ADAMTSL1: variants seen among roughly 807,000 people sequenced by gnomAD.
ADAMTSL1 encodes ADAMTS-like protein 1.
In ADAMTSL1, 126 loss-of-function variants were observed where a neutral mutation model predicts 201.8. That is an observed-to-expected ratio of 0.62 (90% CI 0.54 to 0.72). ADAMTSL1 has a LOEUF of 0.72. ADAMTSL1 is among the 30% of genes least tolerant of loss of function. The pLI, the probability that ADAMTSL1 is intolerant of heterozygous loss-of-function variation, is 0.00. For synonymous variants in ADAMTSL1, 1,121 were observed against 903.4 expected (o/e 1.24, Z -4.32); for missense variants, 2,679 against 2,277.8 (o/e 1.18, Z -3.59).
chr9:18,822,783 T>C (rs1824292882), intron 21 of ADAMTSL1, among the ~76,000 whole-genome samples: 1 of 152,180 alleles, frequency 6.6e-6, no homozygotes, highest in African/African-American at 2.4e-5. Context: ...ATAGCAAATG[T>C]TCAATGTTAT....
intron 1 of ADAMTSL1, among the ~76,000 whole-genome samples, chr9:18,050,647 T>A (rs1821891379): frequency 1.3e-5 from 2 of 150,958 alleles, no homozygotes; most frequent in Admixed American, 6.6e-5. Context: ...GTAAATCTAT[T>A]TAAGTGTTGA....
chr9:18,290,835 G>T (rs1833229273), intron 2 of ADAMTSL1, among the ~76,000 whole-genome samples: 1 of 149,136 alleles, frequency 6.7e-6, no homozygotes, highest in Non-Finnish European at 1.5e-5. Context: ...AGGCTGGAGT[G>T]CAGTGGCGCC....
intron 1 of ADAMTSL1, among the ~76,000 whole-genome samples, chr9:17,986,952 C>A (rs1818952743): frequency 6.6e-6 from 1 of 151,970 alleles, no homozygotes; most frequent in South Asian, 2.1e-4. Flanking sequence ...CTTCTTATAG[C>A]CATTTTAGTG....
At chr9:18,464,935 T>C (rs1273714806) in intron 2 of ADAMTSL1, among the ~76,000 whole-genome samples, 2 of 152,212 alleles carry the variant, frequency 1.3e-5, no homozygotes, top group Non-Finnish European at 2.9e-5. Flanking sequence ...AAAGAAAAGA[T>C]GGCATCTCAG....
At chr9:18,214,207 C>G (rs556177769) in intron 2 of ADAMTSL1, among the ~76,000 whole-genome samples, 1 of 152,170 alleles carries the variant, frequency 6.6e-6, no homozygotes, top group East Asian at 1.9e-4. Context: ...TCAATAAACC[C>G]AGAATTACAT....
chr9:18,612,392 A>T (rs1446237297), intron 4 of ADAMTSL1, among the ~76,000 whole-genome samples: 1 of 152,186 alleles, frequency 6.6e-6, no homozygotes, highest in Non-Finnish European at 1.5e-5. Context: ...ATCGCAATAT[A>T]TCCCTGTCAC....
intron 1 of ADAMTSL1, among the ~76,000 whole-genome samples, chr9:18,139,980 A>G (rs1363394813): frequency 6.6e-6 from 1 of 152,166 alleles, no homozygotes; most frequent in Non-Finnish European, 1.5e-5. Context: ...TATTCAAATA[A>G]GTCAAATAAA....
intron 20 of ADAMTSL1, among the ~76,000 whole-genome samples, chr9:18,800,271 G>GT (rs1822701314): frequency 6.7e-6 from 1 of 148,716 alleles, no homozygotes; most frequent in African/African-American, 2.5e-5. Context: ...CAGCTACTCA[G>GT]AAGGCTGAGG....
intron 2 of ADAMTSL1, among the ~76,000 whole-genome samples, chr9:18,448,069 A>G (rs1427978749): frequency 6.6e-6 from 1 of 152,182 alleles, no homozygotes; most frequent in Non-Finnish European, 1.5e-5. Context: ...GTATTTGCCC[A>G]GAAAACAAGA....
intron 15 of ADAMTSL1, among the ~76,000 whole-genome samples, chr9:18,727,532 T>C (rs531847): frequency 0.81 from 123,229 of 151,664 alleles, 50,439 homozygotes; most frequent in Admixed American, 0.88. Flanking sequence ...TCCTTAATGG[T>C]TGGGCCTGAC....
intron 1 of ADAMTSL1, among the ~76,000 whole-genome samples, chr9:18,113,825 T>C (rs1825132810): frequency 1.3e-5 from 2 of 152,266 alleles, no homozygotes; most frequent in East Asian, 1.9e-4. Context: ...ATTAACTCAG[T>C]ATTTAACTAA....
chr9:18,568,726 AT>A (rs57985853), intron 3 of ADAMTSL1, among the ~76,000 whole-genome samples: 13,761 of 143,718 alleles, frequency 0.096, 775 homozygotes, highest in African/African-American at 0.17. Flanking sequence ...AGAAGCATGG[AT>A]TTTTTTTTTT....
At chr9:18,856,149 C>G (rs1285656335) in intron 23 of ADAMTSL1, among the ~76,000 whole-genome samples, 1 of 152,092 alleles carries the variant, frequency 6.6e-6, no homozygotes, top group African/African-American at 2.4e-5. Flanking sequence ...AGAGCTTCTG[C>G]TAAGCACACT....
intron 2 of ADAMTSL1, among the ~76,000 whole-genome samples, chr9:18,178,262 G>A (rs1376021469): frequency 6.6e-6 from 1 of 152,198 alleles, no homozygotes; most frequent in Non-Finnish European, 1.5e-5. Flanking sequence ...AGAAAGGGGT[G>A]ACAGACGGCA....
intron 23 of ADAMTSL1, among the ~76,000 whole-genome samples, chr9:18,876,135 A>G (rs7041997): frequency 6.6e-6 from 1 of 151,972 alleles, no homozygotes; most frequent in Non-Finnish European, 1.5e-5. Context: ...GTGAGTCCTT[A>G]TGTGTTAGGT....
At chr9:18,264,260 G>A (rs1832036400) in intron 2 of ADAMTSL1, among the ~76,000 whole-genome samples, 1 of 151,726 alleles carries the variant, frequency 6.6e-6, no homozygotes, top group African/African-American at 2.4e-5. Flanking sequence ...CTTGATTCTG[G>A]CTATCTCATC....
chr9:18,061,021 G>T (rs72697480), intron 1 of ADAMTSL1, among the ~76,000 whole-genome samples: 1 of 151,950 alleles, frequency 6.6e-6, no homozygotes, highest in Non-Finnish European at 1.5e-5. Context: ...AGTTTTCTGC[G>T]ACTCAGAGTT....
intron 4 of ADAMTSL1, among the ~76,000 whole-genome samples, chr9:18,592,845 A>G (rs1824013628): frequency 6.6e-6 from 1 of 152,162 alleles, no homozygotes; most frequent in Non-Finnish European, 1.5e-5. Context: ...GATTCTTCCA[A>G]TCCATGAACA....
intron 2 of ADAMTSL1, among the ~76,000 whole-genome samples, chr9:18,185,872 C>G (rs1436582408): frequency 2.6e-5 from 4 of 151,818 alleles, no homozygotes; most frequent in African/African-American, 9.7e-5. Flanking sequence ...AAAAGTTTCA[C>G]AATTATTGAT....
Sources: gnomAD v4.1 joint callset for allele counts (sites outside exome capture counted in the v4.1 genomes callset) on GRCh38, gnomAD v4.1.1 for gene constraint, MANE v1.5 for transcripts, NCBI Gene and HGNC (gene_info 2026-07-23, HGNC 2026-07-21) for gene names.